The following ZNF407 variants were observed in gnomAD, a reference collection of about 807,000 sequenced individuals.
The protein encoded by ZNF407 is zinc finger protein 407.
A neutral mutation model predicts 131.2 loss-of-function variants in ZNF407; 17 were observed. The ratio of observed to expected loss-of-function variants is 0.13; its 90% confidence interval spans 0.09 to 0.19. ZNF407 has a LOEUF of 0.19. ZNF407 is among the 10% of genes least tolerant of loss of function. The probability of loss-of-function intolerance (pLI) is 1.00; values close to 1 mark genes in which losing one functional copy is unlikely to be tolerated. For synonymous variants in ZNF407, 1,156 were observed against 1,062.0 expected, an observed-to-expected ratio of 1.09 and a Z score of -1.72; for missense variants, 2,681 against 2,830.6, an observed-to-expected ratio of 0.95 and a Z score of 1.20.
intron 3 of ZNF407, among the ~76,000 whole-genome samples, chr18:74,653,027 A>G (rs972960527): frequency 5.9e-5 from 9 of 151,950 alleles, no homozygotes; most frequent in Admixed American, 3.9e-4. Context: ...TTATTAAACA[A>G]TTTATATTTG....
At chr18:74,999,804 T>C (rs1425775303) in intron 8 of ZNF407, among the ~76,000 whole-genome samples, 1 of 152,228 alleles carries the variant, frequency 6.6e-6, no homozygotes, top group Non-Finnish European at 1.5e-5. Flanking sequence ...ATTTCAACAT[T>C]GTCACTTTAT....
At chr18:75,021,092 C>T (rs1488520994) in intron 8 of ZNF407, among the ~76,000 whole-genome samples, 2 of 151,964 alleles carry the variant, frequency 1.3e-5, no homozygotes, top group African/African-American at 4.8e-5. Flanking sequence ...TGCCTGAGTT[C>T]TATTAAATGA....
At chr18:74,823,404 A>C (rs2145105667) in intron 4 of ZNF407, among the ~76,000 whole-genome samples, 1 of 152,264 alleles carries the variant, frequency 6.6e-6, no homozygotes, top group South Asian at 2.1e-4. Context: ...CCAATTAAAA[A>C]ACACAGACTG....
At chr18:74,776,174 A>AG (rs537654307) in intron 3 of ZNF407, among the ~76,000 whole-genome samples, 19 of 152,212 alleles carry the variant, frequency 1.2e-4, no homozygotes, top group South Asian at 2.1e-4. Context: ...AGAAAGGCTT[A>AG]AGGGAACCTG....
chr18:74,712,745 G>C (rs7239764), intron 3 of ZNF407, among the ~76,000 whole-genome samples: 104,919 of 152,046 alleles, frequency 0.69, 37,151 homozygotes, highest in East Asian at 0.85. Flanking sequence ...CTGCAGTGGG[G>C]AAAGAGTATG....
chr18:74,766,171 G>T (rs973956861), intron 3 of ZNF407, among the ~76,000 whole-genome samples: 3 of 152,060 alleles, frequency 2.0e-5, no homozygotes, highest in African/African-American at 7.2e-5. Flanking sequence ...GTAAGGCGTT[G>T]TCATCACATC....
At chr18:74,718,121 A>T (rs757323636) in intron 3 of ZNF407, among the ~76,000 whole-genome samples, 128 of 152,090 alleles carry the variant, frequency 8.4e-4, no homozygotes, top group Non-Finnish European at 2.8e-4. Flanking sequence ...GGGTTCTGAC[A>T]ATTCTATACA....
chr18:74,628,890 TC>T (rs1181253720), intron 1 of ZNF407, among the ~76,000 whole-genome samples: 1 of 152,202 alleles, frequency 6.6e-6, no homozygotes, highest in Non-Finnish European at 1.5e-5. Flanking sequence ...GATACTTCAT[TC>T]TTTTTTATGA....
chr18:74,663,825 T>C (rs1405538305), intron 3 of ZNF407, among the ~76,000 whole-genome samples: 2 of 152,146 alleles, frequency 1.3e-5, no homozygotes, highest in African/African-American at 4.8e-5. Flanking sequence ...CACACCGTCA[T>C]TGCATCTTTG....
intron 3 of ZNF407, among the ~76,000 whole-genome samples, chr18:74,689,218 T>G (rs1219390909): frequency 6.6e-6 from 1 of 152,216 alleles, no homozygotes; most frequent in East Asian, 1.9e-4. Flanking sequence ...TTTGTTCGAT[T>G]TAAGTGGAAG....
chr18:74,655,470 C>T (rs1985410612), intron 3 of ZNF407, among the ~76,000 whole-genome samples: 1 of 151,992 alleles, frequency 6.6e-6, no homozygotes, highest in African/African-American at 2.4e-5. Context: ...TATCTATCCA[C>T]TAGATTATAG....
At chr18:75,038,968 G>C (rs1319612320) in intron 8 of ZNF407, among the ~76,000 whole-genome samples, 2 of 152,220 alleles carry the variant, frequency 1.3e-5, no homozygotes, top group Non-Finnish European at 2.9e-5. Context: ...ATCAGAAACT[G>C]TTCCTAATAG....
chr18:74,870,938 T>C (rs1971078148), intron 4 of ZNF407, among the ~76,000 whole-genome samples: 2 of 152,248 alleles, frequency 1.3e-5, no homozygotes. Flanking sequence ...GTCTGTGTTG[T>C]ATGAAAGTGT....
At chr18:74,859,013 T>C (rs1970899760) in intron 4 of ZNF407, among the ~76,000 whole-genome samples, 1 of 152,146 alleles carries the variant, frequency 6.6e-6, no homozygotes, top group Non-Finnish European at 1.5e-5. Context: ...ACTTTTGACC[T>C]GTTTAATAAG....
rs756945654 is a variant in ZNF407 at position 75,063,535 on chromosome 18, C to T, written c.5814C>T (p.Ala1938=). The T allele has an allele frequency of 5.7e-6, 9 of 1,574,350 alleles. No homozygotes were observed. The highest frequency in any genetic ancestry group is 1.7e-4 in the Middle Eastern group (1 of 6,040). The change falls in exon 9 of 9, where the codon GCC becomes GCT. Residue 1938 remains alanine, a synonymous_variant. Transcript: ENST00000299687. This position sits in a 1 kb window ranked among gnomAD's most constrained non-coding sequence, Gnocchi z 6.6. ...PILPEQLADG[A]TQVVVVGGSM... ...TCCCCGAGCAGCTGGCTGATGGAGC[C>T]ACCCAGGTGGTCGTCGTGGGGGGCT... is the stretch of plus-strand genomic sequence containing the variant.
intron 3 of ZNF407, among the ~76,000 whole-genome samples, chr18:74,690,103 C>T (rs193045435): frequency 2.0e-5 from 3 of 152,244 alleles, no homozygotes; most frequent in African/African-American, 7.2e-5. Flanking sequence ...GGATCAATAC[C>T]TGTTAACAGA....
chr18:74,686,008 C>T (rs574384430), intron 3 of ZNF407, among the ~76,000 whole-genome samples: 15 of 152,286 alleles, frequency 9.8e-5, no homozygotes, highest in African/African-American at 3.4e-4. Flanking sequence ...GGTATATAAT[C>T]GGCGCTTAAT....
chr18:74,773,657 A>G (rs1969408214), intron 3 of ZNF407, among the ~76,000 whole-genome samples: 2 of 152,238 alleles, frequency 1.3e-5, no homozygotes, highest in African/African-American at 4.8e-5. Flanking sequence ...ACAGTAATGT[A>G]TTTTGTACCA....
chr18:75,061,503 G>C (rs1357697149), intron 8 of ZNF407: 1 of 152,402 alleles, frequency 6.6e-6, no homozygotes, highest in Non-Finnish European at 1.5e-5. Context: ...AGGAGGGTGT[G>C]ATGTGCGCCT....
Sources: gnomAD v4.1 joint callset for allele counts (sites outside exome capture counted in the v4.1 genomes callset) on GRCh38, gnomAD v4.1.1 for gene constraint, Gnocchi (gnomAD v3.1) non-coding constraint, MANE v1.5 for transcripts, NCBI Gene and HGNC (gene_info 2026-07-23, HGNC 2026-07-21) for gene names.